Variants in RAI14 observed in about 807,000 individuals in gnomAD.
RAI14 encodes retinoic acid induced 14.
RAI14 carries 45 observed loss-of-function variants against 115.4 expected under a neutral mutation model. The ratio of observed to expected loss-of-function variants is 0.39; its 90% CI spans 0.31 to 0.50. The LOEUF is 0.50. Among genes scored for constraint, RAI14 ranks in the 20% least tolerant of loss-of-function variants. RAI14 has a pLI of 0.85. For synonymous variants in RAI14, 371 were observed against 415.4 expected (o/e 0.89, Z 1.30); for missense variants, 939 against 1,131.2 (o/e 0.83, Z 2.44).
chr5:34,811,545 C>G (rs1459087355), intron 8 of RAI14, among the ~76,000 whole-genome samples: 1 of 145,380 alleles, frequency 6.9e-6, no homozygotes, highest in Middle Eastern at 3.3e-3. Context: ...TGTTGTTTGA[C>G]AAAATGTGGT....
At chr5:34,684,786 T>C (rs1049576216) in intron 1 of RAI14, 1 of 152,150 alleles carries the variant, frequency 6.6e-6, no homozygotes, top group Admixed American at 6.5e-5. Context: ...GTCAGTTTTG[T>C]TTAGAATAAT....
intron 2 of RAI14, among the ~76,000 whole-genome samples, chr5:34,740,381 T>G (rs1305217311): frequency 1.3e-5 from 2 of 152,130 alleles, no homozygotes. Context: ...TTTTGGTGAT[T>G]TGTGTGTGTG....
chr5:34,819,926 T>A (rs1051254750), intron 13 of RAI14, among the ~76,000 whole-genome samples: 1 of 152,168 alleles, frequency 6.6e-6, no homozygotes, highest in East Asian at 1.9e-4. Flanking sequence ...ACTTTCTAAT[T>A]TCTGGCAGAG....
At chr5:34,789,868 G>C (rs1190164198) in intron 3 of RAI14, among the ~76,000 whole-genome samples, 1 of 152,204 alleles carries the variant, frequency 6.6e-6, no homozygotes, top group Non-Finnish European at 1.5e-5. Context: ...AAGTAAGGAA[G>C]CATAGATTCA....
chr5:34,830,230 C>T (rs555958255), intron 17 of RAI14, among the ~76,000 whole-genome samples: 78 of 152,254 alleles, frequency 5.1e-4, no homozygotes, highest in African/African-American at 1.8e-3. Context: ...GCAATCCACC[C>T]GCTTCGGCCT....
rs56983390 is a variant in RAI14 at position 34,748,818 on chromosome 5, T to TAA, written c.37-8638_37-8637dup. ...CTCTACAAATTAAAAAAATAAAAATTAAAAAAAAAAAAAGAAAATTTGGGA... is the reference window on the plus strand; with the variant it reads ...CTCTACAAATTAAAAAAATAAAAATTAAAAAAAAAAAAAAAGAAAATTTGGGA... On this transcript the variant is annotated intron_variant, in intron 2 of 17. Transcript: ENST00000265109. 3.9e-3 allele frequency among the ~76,000 whole-genome samples: 494 copies of TAA among 127,956 alleles called. 2 individuals are homozygous for TAA. The highest frequency in any genetic ancestry group is 0.012 in the African/African-American group (428 of 36,328). 83.9% of individuals were successfully genotyped at this position (127,956 alleles called of 152,430 possible). A position where few individuals can be genotyped will look rare whatever the true frequency, so the allele number is the denominator to read the frequency against.
intron 2 of RAI14, among the ~76,000 whole-genome samples, chr5:34,746,286 T>A (rs1007714157): frequency 1.7e-4 from 26 of 151,832 alleles, no homozygotes; most frequent in Admixed American, 3.3e-4. Flanking sequence ...TTTGTATTTT[T>A]AGTAGAGACG....
chr5:34,751,564 A>G (rs7702603), intron 2 of RAI14, among the ~76,000 whole-genome samples: 26,324 of 152,072 alleles, frequency 0.17, 2,447 homozygotes, highest in Non-Finnish European at 0.19. Context: ...GCTTCTTTCA[A>G]CAGTACTGTT....
intron 1 of RAI14, among the ~76,000 whole-genome samples, chr5:34,657,452 G>T (rs1443645523): frequency 1.3e-5 from 2 of 152,202 alleles, no homozygotes; most frequent in East Asian, 3.9e-4. Context: ...GTCCGAAGTG[G>T]CCTCACGGGG....
At chr5:34,683,504 C>T (rs534672603) in intron 1 of RAI14, among the ~76,000 whole-genome samples, 2 of 152,084 alleles carry the variant, frequency 1.3e-5, no homozygotes, top group African/African-American at 2.4e-5. Context: ...ACCCCCATGA[C>T]CTCAAACAAA....
At chr5:34,715,130 G>T (rs1741836873) in intron 2 of RAI14, among the ~76,000 whole-genome samples, 1 of 152,146 alleles carries the variant, frequency 6.6e-6, no homozygotes. Flanking sequence ...CAGGAGAGTT[G>T]TGCGTGTGAG....
chr5:34,787,892 G>GTTT (rs1752484140), intron 3 of RAI14, among the ~76,000 whole-genome samples: 5 of 29,348 alleles, frequency 1.7e-4, no homozygotes, highest in Admixed American at 4.3e-4. Flanking sequence ...GGATACTACT[G>GTTT]ATTTTTTTTT....
intron 1 of RAI14, among the ~76,000 whole-genome samples, chr5:34,676,033 G>A (rs924973297): frequency 2.6e-5 from 4 of 152,214 alleles, no homozygotes; most frequent in African/African-American, 4.8e-5. Context: ...TCGTAGGTGG[G>A]AATAGCATTG....
At chr5:34,692,313 C>T (rs566590260) in intron 2 of RAI14, among the ~76,000 whole-genome samples, 1 of 151,712 alleles carries the variant, frequency 6.6e-6, no homozygotes, top group South Asian at 2.1e-4. Context: ...GGATCAACAA[C>T]CAACTCTACC....
intron 1 of RAI14, among the ~76,000 whole-genome samples, chr5:34,681,925 G>A (rs1442991293): frequency 7.1e-6 from 1 of 141,096 alleles, no homozygotes; most frequent in Non-Finnish European, 1.5e-5. Flanking sequence ...GCACGATCTT[G>A]GCTCACCGCA....
At chr5:34,807,697 G>A (rs1755094102) in intron 5 of RAI14, 103 bp from the exon 6 acceptor site, 1 of 902,002 alleles carries the variant, frequency 1.1e-6, no homozygotes, top group Non-Finnish European at 1.8e-6. Context: ...TATGTTAATA[G>A]TCTTCCTAAT....
At chr5:34,726,487 C>T (rs190610521) in intron 2 of RAI14, among the ~76,000 whole-genome samples, 26 of 152,234 alleles carry the variant, frequency 1.7e-4, no homozygotes, top group African/African-American at 4.8e-4. Flanking sequence ...GGGGGAAATC[C>T]GCCCCCATGA....
In RAI14 at chr5:34,823,819, G is replaced by A; in HGVS notation, c.1977G>A (p.Leu659=). ...TGTACAAAGAAGCCCAGGCTGAGCT[G>A]GAGGATTACAGGAAGAGGAAATCTC... ...SQLYKEAQAE[L]EDYRKRKSLE... The change falls in exon 15 of 18, where the codon CTG becomes CTA. Residue 659 remains leucine, a synonymous_variant. Transcript: ENST00000265109. This position sits in a 1 kb window ranked among gnomAD's most constrained non-coding sequence, Gnocchi z 4.5. 6.2e-7 allele frequency: 1 copy of A among 1,614,124 alleles called. No individual in the cohort carries two copies. Among genetic ancestry groups the A allele is most frequent in the South Asian group, 1.1e-5 (1 of 91,074 alleles).
intron 2 of RAI14, among the ~76,000 whole-genome samples, chr5:34,704,568 C>A (rs779128527): frequency 1.3e-5 from 2 of 152,204 alleles, no homozygotes; most frequent in Non-Finnish European, 2.9e-5. Flanking sequence ...GTACATCCCT[C>A]TTAGGGATAT....
Sources: allele counts gnomAD v4.1 joint callset (sites outside exome capture counted in the v4.1 genomes callset), GRCh38; gene constraint gnomAD v4.1.1; non-coding constraint Gnocchi (gnomAD v3.1); transcripts MANE v1.5; gene names NCBI Gene and HGNC (gene_info 2026-07-23, HGNC 2026-07-21).